The following HIPK2 variants were observed in gnomAD, a reference collection of about 807,000 sequenced individuals.
HIPK2 encodes homeodomain-interacting protein kinase 2.
Under a neutral mutation model 113.7 loss-of-function variants are expected in HIPK2, and 27 were observed. The observed-to-expected ratio is 0.24, with a 90% CI of 0.17 to 0.33. The LOEUF is 0.33. HIPK2 is among the 10% of genes least tolerant of loss of function. The pLI is 1.00. For missense variants in HIPK2, 1,257 were observed against 1,588.0 expected, an observed-to-expected ratio of 0.79 and a Z score of 3.54; for synonymous variants, 631 against 642.2, an observed-to-expected ratio of 0.98 and a Z score of 0.26.
At chr7:139,731,001 C>T (rs1310247606) in intron 1 of HIPK2, among the ~76,000 whole-genome samples, 1 of 152,082 alleles carries the variant, frequency 6.6e-6, no homozygotes, top group Non-Finnish European at 1.5e-5. Context: ...CTGGAGTCTT[C>T]GAGGGAACGT....
rs1018405006 is a variant in HIPK2, at chr7:139,566,430, T to G, written c.*6497A>C. 1.3e-5 allele frequency: 2 copies of G among 152,164 alleles called. No homozygotes were observed. Among genetic ancestry groups the G allele is most frequent in the East Asian group, 3.8e-4 (2 of 5,196 alleles). 9.4% of individuals were successfully genotyped at this position (152,164 alleles called of 1,614,324 possible). On this transcript the variant is annotated 3_prime_UTR_variant, in exon 15 of 15. Coordinates refer to ENST00000406875, the MANE Select transcript of HIPK2 (RefSeq NM_022740.5). The surrounding 1 kb of genome is among the most constrained non-coding windows in gnomAD (Gnocchi z 4.1). ...AACCCATGAGCAATTCCCAGCACAGTGTGTGGCATGCAGGAAGCGGGAGTA... is the reference window on the plus strand; with the variant it reads ...AACCCATGAGCAATTCCCAGCACAGGGTGTGGCATGCAGGAAGCGGGAGTA...
intron 7 of HIPK2, among the ~76,000 whole-genome samples, chr7:139,616,405 G>T (rs73481750): frequency 6.6e-6 from 1 of 152,104 alleles, no homozygotes; most frequent in Non-Finnish European, 1.5e-5. Context: ...CATGGTATGC[G>T]CCTGGTCTAG....
intron 2 of HIPK2, among the ~76,000 whole-genome samples, chr7:139,695,061 T>C (rs1794523914): frequency 6.6e-6 from 1 of 152,248 alleles, no homozygotes; most frequent in Non-Finnish European, 1.5e-5. Flanking sequence ...CTCTTGCCTC[T>C]GGCTGCGAGG....
intron 2 of HIPK2, among the ~76,000 whole-genome samples, chr7:139,715,220 G>A (rs1171022137): frequency 6.6e-6 from 1 of 152,272 alleles, no homozygotes; most frequent in Middle Eastern, 3.4e-3. Context: ...CTGCATGTGT[G>A]AGTCCATGAC....
At chr7:139,745,522 GT>G (rs1262541063) in intron 1 of HIPK2, among the ~76,000 whole-genome samples, 4 of 152,168 alleles carry the variant, frequency 2.6e-5, no homozygotes, top group Non-Finnish European at 4.4e-5. Flanking sequence ...TAAGTTGGGG[GT>G]CTTTTTATTG....
At chr7:139,678,261 T>C (rs914076596) in intron 2 of HIPK2, among the ~76,000 whole-genome samples, 2 of 152,250 alleles carry the variant, frequency 1.3e-5, no homozygotes, top group Non-Finnish European at 2.9e-5. Flanking sequence ...TTTGTTGCCA[T>C]TGCTTTTGGT....
At position 139,575,288 on chromosome 7, in the gene HIPK2, A is replaced by G; in HGVS notation, c.2966T>C (p.Val989Ala). The G allele has an allele frequency of 6.4e-7, 1 of 1,564,754 alleles. No individual in the cohort carries two copies. The highest frequency in any genetic ancestry group is 8.7e-7 in the Non-Finnish European group (1 of 1,154,304). The part of the protein sequence containing the change: ...VLVECDSLVP[V>A]NTSHHSSSYK... ...GGAGGACGAGTGGTGACTGGTGTTG[A>G]CTGTGGCGGGAGGAGAAAGAGGTCA... Residue 989 changes from valine (V) to alanine (A), a missense_variant and splice_region_variant, in exon 14 of 15, where the codon GTC (valine) becomes GCC (alanine). This residue lies in a region of HIPK2 where 862 missense variants were observed against 1,004.3 expected (regional missense o/e 0.86). Coordinates refer to ENST00000406875, the MANE Select transcript of HIPK2 (RefSeq NM_022740.5).
intron 1 of HIPK2, among the ~76,000 whole-genome samples, chr7:139,729,780 G>A (rs893193531): frequency 1.3e-5 from 2 of 152,194 alleles, no homozygotes; most frequent in African/African-American, 4.8e-5. Flanking sequence ...CAAAGATCTA[G>A]AAGGCTGCTT....
intron 1 of HIPK2, among the ~76,000 whole-genome samples, chr7:139,769,778 A>G (rs1796616310): frequency 1.3e-5 from 2 of 152,220 alleles, no homozygotes; most frequent in South Asian, 2.1e-4. Context: ...TTTGGAGTAC[A>G]TCACTGTAAC....
intron 10 of HIPK2, among the ~76,000 whole-genome samples, chr7:139,603,677 T>C (rs940566275): frequency 6.6e-6 from 1 of 152,226 alleles, no homozygotes; most frequent in South Asian, 2.1e-4. Flanking sequence ...CAGAACACTT[T>C]CTAGAATTGC....
chr7:139,578,798 G>A (rs1798574616), intron 13 of HIPK2, among the ~76,000 whole-genome samples: 1 of 152,104 alleles, frequency 6.6e-6, no homozygotes, highest in African/African-American at 2.4e-5. Context: ...AGCCTTCCGA[G>A]TAGCTGGGAT....
chr7:139,726,406 G>A (rs903941110), intron 1 of HIPK2, among the ~76,000 whole-genome samples: 1 of 152,208 alleles, frequency 6.6e-6, no homozygotes, highest in Admixed American at 6.5e-5. Flanking sequence ...AAAGGAAAGA[G>A]GGGACTAGAA....
chr7:139,576,334 A>G (rs1585228546), intron 13 of HIPK2, among the ~76,000 whole-genome samples: 2 of 152,320 alleles, frequency 1.3e-5, no homozygotes, highest in Middle Eastern at 6.8e-3. Context: ...AACAGTTCTC[A>G]AATGTAATTC....
rs569465561 is a variant in HIPK2, at chr7:139,563,679, A to G, written c.*9248T>C. 66 of 396,950 alleles carry G rather than the reference A, an allele frequency of 1.7e-4. No individual in the cohort carries two copies. Among genetic ancestry groups the G allele is most frequent in the African/African-American group, 1.2e-3 (58 of 48,734 alleles). The allele number at this position is 396,950 out of a possible 1,614,324, so 24.6% of individuals were successfully genotyped here. ...CAAACAGGAAAGTGGGAGTATGATT[A>G]GGAGGGGTGAGATGAAAACTATTTT... is the stretch of plus-strand genomic sequence containing the variant. On this transcript the variant is annotated 3_prime_UTR_variant, in exon 15 of 15. Coordinates refer to ENST00000406875, the MANE Select transcript of HIPK2 (RefSeq NM_022740.5).
intron 6 of HIPK2, among the ~76,000 whole-genome samples, chr7:139,624,799 T>C (rs1467632871): frequency 6.6e-6 from 1 of 152,166 alleles, no homozygotes; most frequent in Admixed American, 6.5e-5. Flanking sequence ...TGGCAAAAAT[T>C]CCACCTGGAC....
At position 139,705,381 on chromosome 7, in the gene HIPK2, CCT is replaced by C. The variant is rs565890739; in HGVS notation, c.1103+10549_1103+10550del. 1.5e-4 allele frequency among the ~76,000 whole-genome samples: 23 copies of C among 152,194 alleles called. No homozygotes were observed. In the East Asian group the frequency reaches 4.3e-3, roughly 28 times the overall value. On this transcript the variant is annotated intron_variant, in intron 2 of 14. Transcript: ENST00000406875. ...TACTACCAACTGCTAGTAGTTTCCC[CCT>C]TTTTTTTTTTTGAGACGGAGTCTCG...
intron 1 of HIPK2, among the ~76,000 whole-genome samples, chr7:139,745,224 T>A (rs1796170373): frequency 6.6e-6 from 1 of 152,176 alleles, no homozygotes; most frequent in African/African-American, 2.4e-5. Context: ...ATAGCTCACA[T>A]TATTCTGCGG....
At chr7:139,769,207 C>T (rs1032504613) in intron 1 of HIPK2, among the ~76,000 whole-genome samples, 3 of 152,158 alleles carry the variant, frequency 2.0e-5, no homozygotes, top group African/African-American at 4.8e-5. Context: ...TGCGTGTTCT[C>T]CTGCACCACC....
At chr7:139,684,840 A>G (rs967511535) in intron 2 of HIPK2, among the ~76,000 whole-genome samples, 1 of 152,218 alleles carries the variant, frequency 6.6e-6, no homozygotes, top group East Asian at 1.9e-4. Flanking sequence ...CACAGGAATG[A>G]TAAGAAAGTA....
Sources: allele counts gnomAD v4.1 joint callset (sites outside exome capture counted in the v4.1 genomes callset), GRCh38; gene constraint gnomAD v4.1.1; regional missense constraint gnomAD v4.1.1; non-coding constraint Gnocchi (gnomAD v3.1); transcripts MANE v1.5; gene names NCBI Gene and HGNC (gene_info 2026-07-23, HGNC 2026-07-21).